The following PLXDC1 variants were observed in gnomAD, a reference collection of about 807,000 sequenced individuals.
PLXDC1 encodes the protein plexin domain containing 1.
Under a neutral mutation model 61.3 loss-of-function variants are expected in PLXDC1, and 39 were observed. The observed-to-expected ratio is 0.64, with a 90% CI of 0.49 to 0.83. The LOEUF is 0.83. Among genes scored for constraint, PLXDC1 ranks in the 40% least tolerant of loss-of-function variants. The pLI is 0.00. For missense variants in PLXDC1, 596 were observed against 666.5 expected (o/e 0.89, Z 1.17); for synonymous variants, 212 against 254.5 (o/e 0.83, Z 1.59).
intron 8 of PLXDC1, among the ~76,000 whole-genome samples, chr17:39,084,680 G>A (rs1460580475): frequency 6.6e-6 from 1 of 152,222 alleles, no homozygotes; most frequent in East Asian, 1.9e-4. Context: ...TGAAGGGGCT[G>A]GAATTAGTAC....
At chr17:39,145,184 G>T (rs7208262) in intron 1 of PLXDC1, among the ~76,000 whole-genome samples, 3,620 of 152,272 alleles carry the variant, frequency 0.024, 152 homozygotes, top group African/African-American at 0.083. Flanking sequence ...TGGCATGTGG[G>T]CTAGGTTCTT....
chr17:39,148,814 T>G (rs1030992605), intron 1 of PLXDC1, among the ~76,000 whole-genome samples: 1 of 152,078 alleles, frequency 6.6e-6, no homozygotes, highest in Admixed American at 6.5e-5. Flanking sequence ...TCCTCCCACC[T>G]CAGCCTCCCA....
chr17:39,070,842 G>A (rs1166222072), intron 12 of PLXDC1, among the ~76,000 whole-genome samples: 1 of 152,186 alleles, frequency 6.6e-6, no homozygotes, highest in Non-Finnish European at 1.5e-5. Context: ...GCCAGGCATG[G>A]TGGCACGCGC....
chr17:39,127,308 T>A (rs960870964), intron 2 of PLXDC1, among the ~76,000 whole-genome samples: 2 of 152,078 alleles, frequency 1.3e-5, no homozygotes, highest in African/African-American at 4.8e-5. Context: ...ACTTAGGAAT[T>A]TCCAGGATGC....
At chr17:39,107,374 G>T in intron 6 of PLXDC1, 33 bp downstream of exon 6, 2 of 1,287,318 alleles carry the variant, frequency 1.6e-6, no homozygotes, top group Non-Finnish European at 2.2e-6. Flanking sequence ...AAGGCTCCAA[G>T]ACCCAGCTGT....
chr17:39,105,876 G>A lies in PLXDC1; in HGVS notation c.789C>T (p.Leu263=), dbSNP rs745849885. The change falls in exon 7 of 14, where the codon CTC becomes CTT. Residue 263 remains leucine, a synonymous_variant. Transcript: ENST00000315392. ...CACCTGGCACATCCGGGGATGGATT[G>A]AGAATCATGAAGGCATCCGATAGGC... ...KTGLSDAFMI[L]NPSPDVPESR... 21 of 1,613,414 alleles carry A rather than the reference G, an allele frequency of 1.3e-5. 1 individual carries two copies. The South Asian group carries it at 2.2e-4, about 17-fold the overall frequency.
intron 2 of PLXDC1, among the ~76,000 whole-genome samples, chr17:39,122,111 A>AAG (rs1491196046): frequency 7.4e-5 from 3 of 40,366 alleles, no homozygotes; most frequent in African/African-American, 2.3e-4. Context: ...AAAAAAAAAA[A>AAG]GGGGGGGGGG....
At chr17:39,122,136 C>T (rs1911182619) in intron 2 of PLXDC1, among the ~76,000 whole-genome samples, 1 of 146,262 alleles carries the variant, frequency 6.8e-6, no homozygotes, top group Non-Finnish European at 1.5e-5. Context: ...GGTGCAGTGA[C>T]TCACGCCTGA....
intron 12 of PLXDC1, among the ~76,000 whole-genome samples, chr17:39,071,385 G>T: frequency 6.6e-6 from 1 of 150,944 alleles, no homozygotes; most frequent in Non-Finnish European, 1.5e-5. Flanking sequence ...TGGGTTGGGA[G>T]GGAACTAGGG....
intron 11 of PLXDC1, among the ~76,000 whole-genome samples, chr17:39,074,924 C>T (rs949057660): frequency 5.9e-5 from 9 of 152,046 alleles, no homozygotes; most frequent in Non-Finnish European, 1.2e-4. Flanking sequence ...GGCAAAGTTT[C>T]TTTCTGCTTC....
At position 39,128,745 on chromosome 17, in the gene PLXDC1, T is replaced by C. The variant is rs1387185067; in HGVS notation, c.255+10909A>G. On this transcript the variant is annotated intron_variant, in intron 2 of 13. Coordinates refer to ENST00000315392, the MANE Select transcript of PLXDC1 (RefSeq NM_020405.5). ...ACAGATACTCGCCGGGTGCAGTGGC[T>C]CACGCCTGTAATCCCAGCACTTTGG... is the stretch of plus-strand genomic sequence containing the variant. Among the ~76,000 whole-genome samples the C allele has an allele frequency of 2.0e-5, 3 of 151,136 alleles. No individual in the cohort carries two copies. In the East Asian group the frequency reaches 6.0e-4, roughly 30 times the overall value.
chr17:39,145,894 G>T (rs1188472442), intron 1 of PLXDC1, among the ~76,000 whole-genome samples: 3 of 152,048 alleles, frequency 2.0e-5, no homozygotes, highest in Admixed American at 2.0e-4. Flanking sequence ...AACTTGGTAG[G>T]TTTGACACTT....
In PLXDC1 at chr17:39,094,434, C is replaced by T. The variant is rs1251951240; in HGVS notation, c.812-6732G>A. ...TTCAACTGCCTCATACTTCAAGACT[C>T]AGCTCAAATGACGTCCCCTCCTTGA... On this transcript the variant is annotated intron_variant, in intron 7 of 13. Coordinates refer to ENST00000315392, the MANE Select transcript of PLXDC1 (RefSeq NM_020405.5). Among the ~76,000 whole-genome samples, 3 of 152,136 alleles carry T rather than the reference C, an allele frequency of 2.0e-5. No individual in the cohort carries two copies. In the East Asian group the frequency reaches 5.8e-4, roughly 29 times the overall value.
chr17:39,070,394 ACTAG>A (rs1418472499), intron 12 of PLXDC1: 1 of 175,256 alleles, frequency 5.7e-6, no homozygotes, highest in African/African-American at 2.4e-5. Context: ...TCTGCCACTT[ACTAG>A]CTGTGTGACC....
intron 6 of PLXDC1, among the ~76,000 whole-genome samples, chr17:39,106,762 G>C (rs996687016): frequency 6.7e-6 from 1 of 148,450 alleles, no homozygotes; most frequent in African/African-American, 2.5e-5. Context: ...CGATTCTCCT[G>C]CCTCAGCCTC....
At chr17:39,091,596 A>T (rs540140787) in intron 7 of PLXDC1, among the ~76,000 whole-genome samples, 19 of 152,246 alleles carry the variant, frequency 1.2e-4, no homozygotes, top group African/African-American at 4.6e-4. Flanking sequence ...AGCACTGCGC[A>T]GGTGTGGGCT....
intron 1 of PLXDC1, among the ~76,000 whole-genome samples, chr17:39,145,242 C>G (rs1912058650): frequency 2.0e-5 from 3 of 152,212 alleles, no homozygotes; most frequent in Admixed American, 2.0e-4. Flanking sequence ...GAGAGCTTCC[C>G]TGGGAGACTG....
At chr17:39,124,000 T>A (rs1911244146) in intron 2 of PLXDC1, among the ~76,000 whole-genome samples, 2 of 152,000 alleles carry the variant, frequency 1.3e-5, no homozygotes, top group Non-Finnish European at 2.9e-5. Context: ...GAGGGGGACA[T>A]CCCAGTCCCT....
chr17:39,125,071 G>A (rs1220310914), intron 2 of PLXDC1, among the ~76,000 whole-genome samples: 4 of 152,038 alleles, frequency 2.6e-5, no homozygotes, highest in Non-Finnish European at 4.4e-5. Context: ...CCCTCCCTCC[G>A]CCTCCCAGAG....
Sources: allele counts gnomAD v4.1 joint callset (sites outside exome capture counted in the v4.1 genomes callset), GRCh38; gene constraint gnomAD v4.1.1; transcripts MANE v1.5; gene names NCBI Gene and HGNC (gene_info 2026-07-23, HGNC 2026-07-21).